CFAP47: variants seen among roughly 807,000 people sequenced by gnomAD.
CFAP47 encodes cilia- and flagella-associated protein 47.
Under a neutral mutation model 148.1 loss-of-function variants are expected in CFAP47, and 29 were observed. The observed-to-expected ratio is 0.20, with a 90% CI of 0.15 to 0.27. The LOEUF is 0.27. Ranked by LOEUF, CFAP47 falls within the 10% of genes least tolerant of loss-of-function variation. CFAP47 has a pLI of 1.00. For synonymous variants in CFAP47, 664 were observed against 577.3 expected, an observed-to-expected ratio of 1.15 and a Z score of -2.15; for missense variants, 1,872 against 1,697.5, an observed-to-expected ratio of 1.10 and a Z score of -1.81.
intron 46 of CFAP47, among the ~76,000 whole-genome samples, chrX:36,235,334 C>A (rs782081213): frequency 8.9e-6 from 1 of 112,439 alleles, no homozygotes; most frequent in South Asian, 3.7e-4. Flanking sequence ...AGGCGCCCCT[C>A]CCCCAGCCTC....
chrX:36,172,169 A>G (rs1441586574), intron 39 of CFAP47, among the ~76,000 whole-genome samples: 1 of 101,161 alleles, frequency 9.9e-6, no homozygotes, highest in African/African-American at 3.5e-5. Context: ...ACTTTGCTGA[A>G]GTTGCTTATC....
intron 45 of CFAP47, among the ~76,000 whole-genome samples, chrX:36,208,255 A>G (rs1940060173): frequency 8.9e-6 from 1 of 111,764 alleles, no homozygotes; most frequent in Non-Finnish European, 1.9e-5. Context: ...ATCATCCATG[A>G]CAACTTTTTA....
chrX:36,013,621 A>G (rs756234228), intron 21 of CFAP47, among the ~76,000 whole-genome samples: 1 of 111,319 alleles, frequency 9.0e-6, no homozygotes, highest in Admixed American at 9.6e-5. Flanking sequence ...GTTAAAAAGA[A>G]TGAATCAAGA....
chrX:36,175,304 C>T (rs767228298), intron 39 of CFAP47, among the ~76,000 whole-genome samples: 1 of 112,466 alleles, frequency 8.9e-6, no homozygotes, highest in South Asian at 3.7e-4. Flanking sequence ...CTCAGCTCAT[C>T]AAGGTCATTC....
intron 29 of CFAP47, among the ~76,000 whole-genome samples, chrX:36,077,658 C>G (rs1937891097): frequency 9.0e-6 from 1 of 111,062 alleles, no homozygotes; most frequent in African/African-American, 3.3e-5. Context: ...TCAGTTACAG[C>G]AAATCTCTGG....
chrX:36,358,308 C>T (rs1381200342), intron 60 of CFAP47, among the ~76,000 whole-genome samples: 1 of 111,853 alleles, frequency 8.9e-6, no homozygotes, highest in Non-Finnish European at 1.9e-5. Flanking sequence ...TCATGACTAA[C>T]CTTATTAATT....
chrX:36,226,485 CA>C (rs1397295444), intron 45 of CFAP47, among the ~76,000 whole-genome samples: 1 of 111,359 alleles, frequency 9.0e-6, no homozygotes, highest in Non-Finnish European at 1.9e-5. Context: ...TAATATATAT[CA>C]CCCCTACTTA....
At chrX:36,371,935 CAT>C (rs782630355) in intron 62 of CFAP47, among the ~76,000 whole-genome samples, 1,021 of 94,535 alleles carry the variant, frequency 0.011, 51 homozygotes, top group Admixed American at 0.088. Context: ...TATATACACA[CAT>C]GTGTATATGT....
chrX:36,164,654 A>G (rs1939468437), intron 39 of CFAP47, among the ~76,000 whole-genome samples: 1 of 111,501 alleles, frequency 9.0e-6, no homozygotes, highest in African/African-American at 3.3e-5. Flanking sequence ...AACTGCAGGT[A>G]TTTACTGTGT....
chrX:35,960,077 G>A (rs950154824), intron 8 of CFAP47, among the ~76,000 whole-genome samples: 2 of 107,251 alleles, frequency 1.9e-5, no homozygotes, highest in Non-Finnish European at 3.8e-5. Flanking sequence ...TCCTATGTCA[G>A]TACTACAATA....
chrX:36,144,507 T>C, intron 35 of CFAP47: 1 of 974,319 alleles, frequency 1.0e-6, no homozygotes, highest in South Asian at 2.2e-5. Flanking sequence ...ATATTAGGTG[T>C]CAACTTGACT....
intron 13 of CFAP47, 32 bp downstream of exon 13, chrX:35,971,997 TA>T (rs1936500167): frequency 3.7e-6 from 3 of 815,625 alleles, no homozygotes; most frequent in Middle Eastern, 4.1e-4. Flanking sequence ...CTACAGCCTT[TA>T]TTTTTTTATA....
intron 26 of CFAP47, among the ~76,000 whole-genome samples, chrX:36,060,929 C>T (rs1937588812): frequency 9.0e-6 from 1 of 111,440 alleles, no homozygotes; most frequent in Admixed American, 9.6e-5. Flanking sequence ...AAAGTATGTC[C>T]AGTCTGTTTT....
intron 36 of CFAP47, among the ~76,000 whole-genome samples, chrX:36,146,004 T>C (rs1427018747): frequency 9.0e-6 from 1 of 111,464 alleles, no homozygotes; most frequent in Non-Finnish European, 1.9e-5. Flanking sequence ...CTCTTTTATT[T>C]ACTTTATTTC....
intron 62 of CFAP47, among the ~76,000 whole-genome samples, chrX:36,371,614 TATGTGTA>T: frequency 1.1e-5 from 1 of 91,931 alleles, no homozygotes; most frequent in South Asian, 5.9e-4. Flanking sequence ...TATGTGTATA[TATGTGTA>T]ATATATGTGT....
intron 22 of CFAP47, among the ~76,000 whole-genome samples, chrX:36,018,431 G>T (rs150843445): frequency 1.5e-3 from 170 of 111,937 alleles, no homozygotes; most frequent in African/African-American, 5.2e-3. Flanking sequence ...TCCTTGTCAT[G>T]TTTCATATCT....
intron 25 of CFAP47, among the ~76,000 whole-genome samples, chrX:36,045,470 G>T (rs191369901): frequency 9.0e-6 from 1 of 111,447 alleles, no homozygotes; most frequent in Non-Finnish European, 1.9e-5. Flanking sequence ...GTCACCCAAG[G>T]CCCTCAATGT....
At chrX:36,202,674 T>G (rs1262756954) in intron 44 of CFAP47, among the ~76,000 whole-genome samples, 2 of 110,848 alleles carry the variant, frequency 1.8e-5, no homozygotes, top group Admixed American at 1.9e-4. Flanking sequence ...GGTCAGGAGT[T>G]CAAGACCAGC....
chrX:36,349,942 C>A, intron 58 of CFAP47, 96 bp from the exon 59 acceptor site: 1 of 487,783 alleles, frequency 2.1e-6, no homozygotes, highest in Non-Finnish European at 3.3e-6. Context: ...AATTTACAAG[C>A]TTTACTAAAA....
Sources: gnomAD v4.1 joint callset for allele counts (sites outside exome capture counted in the v4.1 genomes callset) on GRCh38, gnomAD v4.1.1 for gene constraint, MANE v1.5 for transcripts, NCBI Gene and HGNC (gene_info 2026-07-23, HGNC 2026-07-21) for gene names.